LHPP: variants seen among roughly 807,000 people sequenced by gnomAD.
LHPP encodes the protein phospholysine phosphohistidine inorganic pyrophosphate phosphatase.
LHPP carries 24 observed loss-of-function variants against 30.3 expected under a neutral mutation model. The ratio of observed to expected loss-of-function variants is 0.79; its 90% CI spans 0.57 to 1.11. The LOEUF (loss-of-function observed/expected upper bound fraction) is 1.11, where lower values mean the gene tolerates loss of function less well. Among genes scored for constraint, LHPP ranks in the 50% most tolerant of loss-of-function variants. LHPP has a pLI of 0.00. For synonymous variants in LHPP, 150 were observed against 157.1 expected, an observed-to-expected ratio of 0.95 and a Z score of 0.34; for missense variants, 356 against 367.2, an observed-to-expected ratio of 0.97 and a Z score of 0.25.
chr10:124,610,066 T>C (rs572350322), intron 6 of LHPP, among the ~76,000 whole-genome samples: 1 of 152,348 alleles, frequency 6.6e-6, no homozygotes, highest in South Asian at 2.1e-4. Flanking sequence ...AGTTTTCCAA[T>C]GTGGCCCGTA....
Position 124,488,432 on chromosome 10 carries a change from A to G in LHPP, c.324A>G (p.Ser108=). The G allele has an allele frequency of 6.2e-7, 1 of 1,613,958 alleles. No individual in the cohort carries two copies. The highest frequency in any genetic ancestry group is 8.5e-7 in the Non-Finnish European group (1 of 1,179,962). Residue 108 remains serine, a synonymous_variant, in exon 3 of 7, where the codon TCA becomes TCG. Coordinates refer to ENST00000368842, the MANE Select transcript of LHPP (RefSeq NM_022126.4). ...TCTCTCTCTTTCCAGGAGTCCGCTC[A>G]GAATTTGATCAGATCGACACATCCA... ...PYLLIHDGVR[S]EFDQIDTSNP... is the part of the protein sequence containing the mutation.
In LHPP at chr10:124,596,052, G is replaced by A. The variant is rs1043705173; in HGVS notation, c.717-17212G>A. Among the ~76,000 whole-genome samples, 17 of 152,224 alleles carry A rather than the reference G, an allele frequency of 1.1e-4. No homozygotes were observed. Among genetic ancestry groups the A allele is most frequent in the Non-Finnish European group, 1.3e-4 (9 of 68,022 alleles). ...GGGCTCCTACCCATGAACACCCACC[G>A]TTCATTTCATCCGTGTTGTTCTGTG... is the stretch of plus-strand genomic sequence containing the variant. On this transcript the variant is annotated intron_variant, in intron 6 of 6. Transcript: ENST00000368842. This position sits in a 1 kb window ranked among gnomAD's most constrained non-coding sequence, Gnocchi z 4.6.
intron 6 of LHPP, among the ~76,000 whole-genome samples, chr10:124,567,421 C>T (rs772765747): frequency 5.9e-5 from 9 of 152,376 alleles, no homozygotes; most frequent in Admixed American, 3.3e-4. Context: ...CTCTCAGCCT[C>T]GGCCCCCTCC....
chr10:124,552,733 C>A (rs750632568), intron 6 of LHPP, among the ~76,000 whole-genome samples: 3 of 152,176 alleles, frequency 2.0e-5, no homozygotes, highest in African/African-American at 7.2e-5. Context: ...CCAAGGTCCC[C>A]GCCTGCAAAG....
Position 124,553,879 on chromosome 10 carries a change from A to G in LHPP, c.716+36608A>G, listed in dbSNP as rs531324246. ...CAGAAGGAGGTAAGGGGCCCACCAC[A>G]TCTGTCTTACCACAGGCTAAGCTGT... On this transcript the variant is annotated intron_variant, in intron 6 of 6. Transcript: ENST00000368842. 12 of 985,382 alleles carry G rather than the reference A, an allele frequency of 1.2e-5. No homozygotes were observed. In the East Asian group the frequency reaches 1.1e-3, roughly 93 times the overall value. The allele number at this position is 985,382 out of a possible 1,614,324, so 61.0% of individuals were successfully genotyped here.
At chr10:124,481,282 C>A (rs1352580125) in intron 1 of LHPP, among the ~76,000 whole-genome samples, 1 of 151,860 alleles carries the variant, frequency 6.6e-6, no homozygotes, top group African/African-American at 2.4e-5. Context: ...CTGAGTCCTG[C>A]CACCTTTTTG....
chr10:124,508,003 G>A (rs749988690), intron 5 of LHPP, among the ~76,000 whole-genome samples: 5 of 152,004 alleles, frequency 3.3e-5, no homozygotes, highest in Non-Finnish European at 5.9e-5. Context: ...GAGGTTTGCA[G>A]GCTTATCCAG....
At position 124,596,853 on chromosome 10, in the gene LHPP, T is replaced by G. The variant is rs1393336417; in HGVS notation, c.717-16411T>G. 6.6e-6 allele frequency among the ~76,000 whole-genome samples: 1 copy of G among 152,088 alleles called. No individual in the cohort carries two copies. Among genetic ancestry groups the G allele is most frequent in the Non-Finnish European group, 1.5e-5 (1 of 68,014 alleles). On this transcript the variant is annotated intron_variant, in intron 6 of 6. Transcript: ENST00000368842. This position sits in a 1 kb window ranked among gnomAD's most constrained non-coding sequence, Gnocchi z 4.6. ...AAGGATGCCTAGATGGCTGGTAAAG[T>G]TTTGTTTCTGGCTGGTTAAGTGTGT...
chr10:124,475,556 T>C (rs991253988), intron 1 of LHPP, among the ~76,000 whole-genome samples: 7 of 150,200 alleles, frequency 4.7e-5, no homozygotes, highest in Non-Finnish European at 4.5e-5. Context: ...TAAAATAAAA[T>C]AAAAAATAAA....
Position 124,542,955 on chromosome 10 carries a change from G to A in LHPP, c.716+25684G>A, listed in dbSNP as rs187726253. ...CTGCCTGCCCATGGCTCTTGCCACAGTGGGGATGCAGCAGCTCTGGGTTGA... is the reference window on the plus strand; with the variant it reads ...CTGCCTGCCCATGGCTCTTGCCACAATGGGGATGCAGCAGCTCTGGGTTGA... On this transcript the variant is annotated intron_variant, in intron 6 of 6. Transcript: ENST00000368842. Among the ~76,000 whole-genome samples, 142 of 152,330 alleles carry A rather than the reference G, an allele frequency of 9.3e-4. 1 individual carries two copies. Among genetic ancestry groups the A allele is most frequent in the Middle Eastern group, 3.4e-3 (1 of 294 alleles).
At position 124,569,648 on chromosome 10, in the gene LHPP, G is replaced by A. The variant is rs180829259; in HGVS notation, c.717-43616G>A. 9.8e-5 allele frequency among the ~76,000 whole-genome samples: 15 copies of A among 152,298 alleles called. No individual in the cohort carries two copies. The East Asian group carries it at 2.9e-3, about 29-fold the overall frequency. Reference sequence around the variant, plus strand: ...CTCTGTGGCCCTGAACCAGGGCTGGGGGATCTCAGGGACATGTGTGTCCAC... The same window carrying A: ...CTCTGTGGCCCTGAACCAGGGCTGGAGGATCTCAGGGACATGTGTGTCCAC... On this transcript the variant is annotated intron_variant, in intron 6 of 6. Coordinates refer to ENST00000368842, the MANE Select transcript of LHPP (RefSeq NM_022126.4).
rs73365878 is a variant in LHPP at position 124,510,820 on chromosome 10, C to A, written c.625-6360C>A. Among the ~76,000 whole-genome samples, 1 of 152,212 alleles carries A rather than the reference C, an allele frequency of 6.6e-6. No homozygotes were observed. Among genetic ancestry groups the A allele is most frequent in the Non-Finnish European group, 1.5e-5 (1 of 68,036 alleles). On this transcript the variant is annotated intron_variant, in intron 5 of 6. Coordinates refer to ENST00000368842, the MANE Select transcript of LHPP (RefSeq NM_022126.4). The surrounding 1 kb of genome is among the most constrained non-coding windows in gnomAD (Gnocchi z 4.0). ...CTGTGAATGTTCACTGCTGACCTCA[C>A]GGTTTGAAGACAATTCCTTGAGAAG... is the stretch of plus-strand genomic sequence containing the variant.
intron 5 of LHPP, among the ~76,000 whole-genome samples, chr10:124,514,340 G>T (rs368084736): frequency 2.6e-5 from 4 of 152,086 alleles, no homozygotes; most frequent in African/African-American, 9.7e-5. Context: ...TTTTCCCTTC[G>T]CCCAAAGGAC....
intron 2 of LHPP, among the ~76,000 whole-genome samples, chr10:124,484,670 C>CAGAGAGAGAGAGAG (rs5788664): frequency 6.9e-6 from 1 of 144,166 alleles, no homozygotes; most frequent in South Asian, 2.2e-4. Context: ...GAGAAAGAGA[C>CAGAGAGAGAGAGAG]AGAGAGAGAG....
intron 6 of LHPP, among the ~76,000 whole-genome samples, chr10:124,563,021 G>A (rs1409934268): frequency 1.3e-5 from 2 of 152,098 alleles, no homozygotes; most frequent in African/African-American, 2.4e-5. Context: ...GACATTGCTG[G>A]TGAGAAGGTA....
chr10:124,579,516 T>C (rs1335009120), intron 6 of LHPP, among the ~76,000 whole-genome samples: 1 of 152,228 alleles, frequency 6.6e-6, no homozygotes, highest in Non-Finnish European at 1.5e-5. Context: ...ATGATGGACA[T>C]GTAGGCGGTT....
In LHPP at chr10:124,473,727, T is replaced by G. The variant is rs182620523; in HGVS notation, c.126-10412T>G. Among the ~76,000 whole-genome samples the G allele has an allele frequency of 4.7e-3, 713 of 152,260 alleles. 6 individuals carry two copies. The highest frequency in any genetic ancestry group is 0.017 in the African/African-American group (691 of 41,564). ...CAGCACTTTGGGAGGCCGAGGCAAG[T>G]GGATCACCTGAGGTCAGGAGTTCAA... On this transcript the variant is annotated intron_variant, in intron 1 of 6. Coordinates refer to ENST00000368842, the MANE Select transcript of LHPP (RefSeq NM_022126.4).
intron 6 of LHPP, among the ~76,000 whole-genome samples, chr10:124,533,891 G>A (rs576632198): frequency 1.3e-5 from 2 of 152,244 alleles, no homozygotes; most frequent in Non-Finnish European, 2.9e-5. Context: ...AGTGGGATAT[G>A]GAATGCAGGG....
Position 124,484,239 on chromosome 10 carries a change from T to C in LHPP, c.226T>C (p.Ser76Pro). The C allele has an allele frequency of 6.2e-7, 1 of 1,614,066 alleles. No homozygotes were observed. ...GQLQRLGFDI[S>P]EQEVTAPAPA... Reference sequence around the variant, plus strand: ...GCTTCAGAGGCTGGGATTTGACATCTCTGAGCAGGAGGTGACCGCCCCGGC... The same window carrying C: ...GCTTCAGAGGCTGGGATTTGACATCCCTGAGCAGGAGGTGACCGCCCCGGC... The change falls in exon 2 of 7, where the codon TCT (serine) becomes CCT (proline). Residue 76 changes from serine (S) to proline (P), a missense_variant. Coordinates refer to ENST00000368842, the MANE Select transcript of LHPP (RefSeq NM_022126.4).
Sources: allele counts gnomAD v4.1 joint callset (sites outside exome capture counted in the v4.1 genomes callset), GRCh38; gene constraint gnomAD v4.1.1; non-coding constraint Gnocchi (gnomAD v3.1); transcripts MANE v1.5; gene names NCBI Gene and HGNC (gene_info 2026-07-23, HGNC 2026-07-21).